Variants in HNRNPC observed in about 807,000 individuals in gnomAD.
The protein encoded by HNRNPC is heterogeneous nuclear ribonucleoprotein C.
HNRNPC carries 3 observed loss-of-function variants against 33.2 expected under a neutral mutation model. The ratio of observed to expected loss-of-function variants is 0.09; its 90% CI spans 0.04 to 0.23. HNRNPC has a LOEUF of 0.23. HNRNPC is among the 10% of genes least tolerant of loss of function. HNRNPC has a pLI of 1.00. For synonymous variants in HNRNPC, 121 were observed against 126.7 expected (o/e 0.96, Z 0.30); for missense variants, 143 against 366.7 (o/e 0.39, Z 4.98).
intron 4 of HNRNPC, chr14:21,230,692 A>C (rs2139631920): frequency 2.1e-6 from 1 of 479,746 alleles, no homozygotes; most frequent in Middle Eastern, 5.3e-4. Context: ...AGTGTCTTAG[A>C]AGCTCAACGA....
rs1265145148 is a variant in HNRNPC, at chr14:21,234,210, G to T, written c.-17C>A. 6 of 1,610,818 alleles carry T rather than the reference G, an allele frequency of 3.7e-6. No individual in the cohort carries two copies. The highest frequency in any genetic ancestry group is 5.1e-6 in the Non-Finnish European group (6 of 1,178,100). The stretch of plus-strand genomic sequence containing the variant: ...GCTGGCCATCGTGTTTGATGGTAAG[G>T]TTTCTCACAAAGCCGAAAACTGTAA... On this transcript the variant is annotated 5_prime_UTR_variant, in exon 3 of 9. Coordinates refer to ENST00000553300, the MANE Select transcript of HNRNPC (RefSeq NM_004500.4).
chr14:21,212,413 A>C (rs1396404069), intron 6 of HNRNPC, among the ~76,000 whole-genome samples: 1 of 152,200 alleles, frequency 6.6e-6, no homozygotes, highest in Non-Finnish European at 1.5e-5. Context: ...GTTTTTAAAT[A>C]ACACAAAAAA....
chr14:21,252,111 C>A (rs1286656309), intron 2 of HNRNPC, among the ~76,000 whole-genome samples: 1 of 152,062 alleles, frequency 6.6e-6, no homozygotes, highest in African/African-American at 2.4e-5. Context: ...AACCATAAGA[C>A]CCCCAACTCC....
chr14:21,267,746 C>T (rs1879257208), intron 1 of HNRNPC, among the ~76,000 whole-genome samples: 1 of 152,120 alleles, frequency 6.6e-6, no homozygotes, highest in African/African-American at 2.4e-5. Flanking sequence ...GGAAGGAACC[C>T]ATTTTCGAAA....
At chr14:21,217,640 T>C (rs1287005654) in intron 5 of HNRNPC, among the ~76,000 whole-genome samples, 1 of 152,208 alleles carries the variant, frequency 6.6e-6, no homozygotes, top group Non-Finnish European at 1.5e-5. Context: ...GCTCCTATAC[T>C]GAGCCAATGG....
chr14:21,239,030 G>A (rs1895044403), intron 2 of HNRNPC, among the ~76,000 whole-genome samples: 1 of 147,624 alleles, frequency 6.8e-6, no homozygotes, highest in South Asian at 2.1e-4. Context: ...GGGAGGCTGA[G>A]ACAGGAGAAT....
chr14:21,254,945 C>A (rs546828507), intron 2 of HNRNPC, among the ~76,000 whole-genome samples: 72 of 149,174 alleles, frequency 4.8e-4, no homozygotes, highest in Admixed American at 1.0e-3. Flanking sequence ...AAAAAAAAAA[C>A]CAGAAAAACT....
intron 2 of HNRNPC, among the ~76,000 whole-genome samples, chr14:21,252,337 G>C (rs947247326): frequency 3.2e-4 from 48 of 152,232 alleles, no homozygotes; most frequent in African/African-American, 1.1e-3. Context: ...TTTGTTTTAA[G>C]TCTCACAATA....
intron 5 of HNRNPC, among the ~76,000 whole-genome samples, chr14:21,225,587 T>C (rs902272305): frequency 5.9e-5 from 9 of 152,126 alleles, no homozygotes; most frequent in African/African-American, 1.9e-4. Flanking sequence ...GAGTTACCTT[T>C]TGAGGCTGGT....
chr14:21,216,120 C>CAA (rs370660995), intron 5 of HNRNPC, among the ~76,000 whole-genome samples: 12,032 of 87,112 alleles, frequency 0.14, 789 homozygotes, highest in East Asian at 0.25. Flanking sequence ...CCTCCACCAC[C>CAA]AAAAAAAAAA....
chr14:21,252,276 G>C (rs1341170935), intron 2 of HNRNPC, among the ~76,000 whole-genome samples: 1 of 152,080 alleles, frequency 6.6e-6, no homozygotes, highest in Non-Finnish European at 1.5e-5. Flanking sequence ...CAGTTCTCAG[G>C]GTAGTACTTC....
At chr14:21,222,294 A>C (rs1471371356) in intron 5 of HNRNPC, among the ~76,000 whole-genome samples, 1 of 152,194 alleles carries the variant, frequency 6.6e-6, no homozygotes, top group African/African-American at 2.4e-5. Context: ...ACAACCCAGC[A>C]CTTCTCCTAG....
At chr14:21,268,029 T>C (rs1416278215) in intron 1 of HNRNPC, among the ~76,000 whole-genome samples, 4 of 152,216 alleles carry the variant, frequency 2.6e-5, no homozygotes, top group Non-Finnish European at 2.9e-5. Context: ...TTTCTTACCC[T>C]GCAGAATGGG....
intron 1 of HNRNPC, among the ~76,000 whole-genome samples, chr14:21,265,786 T>G (rs918943676): frequency 5.3e-5 from 8 of 152,170 alleles, no homozygotes; most frequent in African/African-American, 1.7e-4. Context: ...AGAAAAAAAG[T>G]ATCCTTACCT....
chr14:21,231,173 C>T, intron 3 of HNRNPC, 101 bp from the exon 4 acceptor site: 2 of 1,201,154 alleles, frequency 1.7e-6, no homozygotes, highest in Middle Eastern at 2.1e-4. Context: ...TTCGCTTTCT[C>T]GCTCAGGCTG....
chr14:21,243,362 G>A (rs1056727031), intron 2 of HNRNPC, among the ~76,000 whole-genome samples: 3 of 152,190 alleles, frequency 2.0e-5, no homozygotes, highest in African/African-American at 7.2e-5. Context: ...GGAGAAAAGT[G>A]TAGAGGACAA....
chr14:21,255,086 A>AT (rs1242782518), intron 2 of HNRNPC, among the ~76,000 whole-genome samples: 2 of 152,228 alleles, frequency 1.3e-5, no homozygotes, highest in Non-Finnish European at 2.9e-5. Context: ...TAAAGGATCA[A>AT]TATAGGGAGT....
chr14:21,226,742 T>C (rs998861662), intron 5 of HNRNPC, among the ~76,000 whole-genome samples: 3 of 151,898 alleles, frequency 2.0e-5, no homozygotes, highest in African/African-American at 7.3e-5. Context: ...TAGTTGTGTG[T>C]GGTGGTGCAC....
intron 2 of HNRNPC, among the ~76,000 whole-genome samples, chr14:21,240,123 G>A (rs1594269965): frequency 6.6e-6 from 1 of 152,088 alleles, no homozygotes; most frequent in South Asian, 2.1e-4. Context: ...TTTATCATAT[G>A]CTCTATCCTG....
Sources: gnomAD v4.1 joint callset for allele counts (sites outside exome capture counted in the v4.1 genomes callset) on GRCh38, gnomAD v4.1.1 for gene constraint, MANE v1.5 for transcripts, NCBI Gene and HGNC (gene_info 2026-07-23, HGNC 2026-07-21) for gene names.